EPHA10: variants seen among roughly 807,000 people sequenced by gnomAD.
EPHA10 encodes the protein EPH receptor A10.
A neutral mutation model predicts 109.7 loss-of-function variants in EPHA10; 120 were observed. The ratio of observed to expected loss-of-function variants is 1.09; its 90% CI spans 0.94 to 1.27. The LOEUF is 1.27. EPHA10 is among the 50% of genes most tolerant of loss of function. The probability of loss-of-function intolerance (pLI) is 0.00; values close to 1 mark genes in which losing one functional copy is unlikely to be tolerated. For missense variants in EPHA10, 1,396 were observed against 1,411.1 expected, an observed-to-expected ratio of 0.99 and a Z score of 0.17; for synonymous variants, 640 against 618.9, an observed-to-expected ratio of 1.03 and a Z score of -0.51.
At chr1:37,762,498 A>G (rs1036505554) in intron 2 of EPHA10, among the ~76,000 whole-genome samples, 1 of 151,880 alleles carries the variant, frequency 6.6e-6, no homozygotes, top group East Asian at 1.9e-4. Flanking sequence ...AGGATCTACT[A>G]CTATGTGCAA....
chr1:37,761,465 C>A lies in EPHA10; in HGVS notation c.790G>T (p.Val264Leu). 1 of 1,600,426 alleles carries A rather than the reference C, an allele frequency of 6.2e-7. No homozygotes were observed. Among genetic ancestry groups the A allele is most frequent in the East Asian group, 2.2e-5 (1 of 44,862 alleles). ...MHCGADGEWL[V>L]PVGRCSCSAG... ...CTGCAGCTGCAGCGGCCCACAGGCA[C>A]CAGCCACTCGCCGTCGGCGCCGCAG... The change falls in exon 3 of 17, where the codon GTG becomes TTG. Residue 264 changes from valine to leucine, a missense_variant. By Grantham distance (32) the Val-to-Leu change is conservative. Transcript: ENST00000373048.
chr1:37,718,837 G>A (rs754916392), intron 15 of EPHA10, 21 bp from the exon 16 acceptor site: 1 of 1,592,468 alleles, frequency 6.3e-7, no homozygotes, highest in Non-Finnish European at 8.6e-7. Context: ...GAGGAGCTGT[G>A]CTCAACCGAC....
In EPHA10 at chr1:37,719,992, T is replaced by G; in HGVS notation, c.2479A>C (p.Ser827Arg). 2 of 1,614,006 alleles carry G rather than the reference T, an allele frequency of 1.2e-6. No homozygotes were observed. Among genetic ancestry groups the G allele is most frequent in the Non-Finnish European group, 1.7e-6 (2 of 1,180,024 alleles). Residue 827 changes from serine to arginine, a missense_variant, in exon 14 of 17, where the codon AGT becomes CGT. Transcript: ENST00000373048. Reference sequence around the variant, plus strand: ...ATGATGCCGAAGCTCCACACGTCACTGGCAGAGCTGAAGTGGCCAAACTGA... The same window carrying G: ...ATGATGCCGAAGCTCCACACGTCACGGGCAGAGCTGAAGTGGCCAAACTGA... ...TLQFGHFSSA[S>R]DVWSFGIIMW... is the part of the protein sequence containing the mutation.
intron 5 of EPHA10, among the ~76,000 whole-genome samples, chr1:37,737,712 T>G (rs1453144125): frequency 6.6e-6 from 1 of 152,220 alleles, no homozygotes; most frequent in Non-Finnish European, 1.5e-5. Flanking sequence ...AATGATTTCT[T>G]GGATATGACA....
intron 7 of EPHA10, among the ~76,000 whole-genome samples, chr1:37,730,705 T>C (rs1645967888): frequency 6.6e-6 from 1 of 152,164 alleles, no homozygotes; most frequent in Admixed American, 6.5e-5. Context: ...CCTTCTTTTT[T>C]TTTTGAGACA....
chr1:37,743,331 G>A (rs754296863), intron 5 of EPHA10, among the ~76,000 whole-genome samples: 2 of 152,078 alleles, frequency 1.3e-5, no homozygotes, highest in Non-Finnish European at 2.9e-5. Flanking sequence ...CACCAACTAT[G>A]TACAGAAGGT....
rs2148367112 is a variant in EPHA10 at position 37,754,518 on chromosome 1, G to A, written c.851-148C>T. The A allele has an allele frequency of 4.4e-6, 3 of 675,946 alleles. No homozygotes were observed. The highest frequency in any genetic ancestry group is 6.9e-5 in the East Asian group (2 of 29,172). 41.9% of individuals were successfully genotyped at this position (675,946 alleles called of 1,614,324 possible). A position where few individuals can be genotyped will look rare whatever the true frequency, so the allele number is the denominator to read the frequency against. ...CCACTCCAGTCAGCACTGCCCCGTG[G>A]AGTGACTCCTGAACAACCCATTACC... is the stretch of plus-strand genomic sequence containing the variant. On this transcript the variant is annotated intron_variant, in intron 3 of 16. Transcript: ENST00000373048. The surrounding 1 kb of genome is among the most constrained non-coding windows in gnomAD (Gnocchi z 4.5).
chr1:37,746,047 A>G (rs1241706398), intron 5 of EPHA10, among the ~76,000 whole-genome samples: 1 of 150,958 alleles, frequency 6.6e-6, no homozygotes, highest in Non-Finnish European at 1.5e-5. Context: ...TCCTCTGTGC[A>G]CATATGGACA....
chr1:37,752,565 AAGG>A (rs1164921358), intron 5 of EPHA10, among the ~76,000 whole-genome samples: 2 of 152,132 alleles, frequency 1.3e-5, no homozygotes, highest in African/African-American at 4.8e-5. Context: ...GGCTTTGTGC[AAGG>A]AGTCCAGGAG....
intron 3 of EPHA10, among the ~76,000 whole-genome samples, chr1:37,759,262 A>G (rs932496114): frequency 6.6e-5 from 10 of 152,088 alleles, no homozygotes; most frequent in African/African-American, 2.4e-4. Flanking sequence ...CATGATTTCC[A>G]CCTGCTCCTC....
At chr1:37,759,591 T>C (rs932459625) in intron 3 of EPHA10, among the ~76,000 whole-genome samples, 9 of 152,194 alleles carry the variant, frequency 5.9e-5, no homozygotes, top group Non-Finnish European at 1.3e-4. Context: ...TTATGAATGC[T>C]GGGGCTGCTG....
At chr1:37,730,983 C>T (rs907562554) in intron 7 of EPHA10, among the ~76,000 whole-genome samples, 1 of 152,172 alleles carries the variant, frequency 6.6e-6, no homozygotes, top group Non-Finnish European at 1.5e-5. Context: ...TGAGCCATCG[C>T]GCCTGGCCGC....
At chr1:37,736,664 C>CGCCACT (rs1646077857) in intron 5 of EPHA10, among the ~76,000 whole-genome samples, 1 of 151,166 alleles carries the variant, frequency 6.6e-6, no homozygotes, top group African/African-American at 2.4e-5. Context: ...GCCGAGATCG[C>CGCCACT]GCCACTGCAC....
intron 1 of EPHA10, among the ~76,000 whole-genome samples, chr1:37,763,090 A>G (rs562511841): frequency 6.6e-6 from 1 of 152,338 alleles, no homozygotes; most frequent in African/African-American, 2.4e-5. Context: ...CTGCTGTAAC[A>G]TATTACCACA....
At chr1:37,725,888 C>A (rs7527344) in intron 8 of EPHA10, among the ~76,000 whole-genome samples, 41,404 of 152,074 alleles carry the variant, frequency 0.27, 5,925 homozygotes, top group Middle Eastern at 0.42. Flanking sequence ...GGTACTACAC[C>A]CAGGACGGTG....
chr1:37,749,546 G>A (rs1646291903), intron 5 of EPHA10, among the ~76,000 whole-genome samples: 1 of 151,846 alleles, frequency 6.6e-6, no homozygotes, highest in South Asian at 2.1e-4. Flanking sequence ...GGTGGTGTGT[G>A]CCTGTAATAC....
rs746947979 is a variant in EPHA10, at chr1:37,720,490, A to C, written c.2273T>G (p.Met758Arg). 2 of 1,613,424 alleles carry C rather than the reference A, an allele frequency of 1.2e-6. No individual in the cohort carries two copies. The highest frequency in any genetic ancestry group is 2.2e-5 in the South Asian group (2 of 91,066). Reference protein sequence around the residue: ...MGLLPGLASAMKYLSEMGYVH... With the variant: ...MGLLPGLASARKYLSEMGYVH... ...GTAGCCCATCTCTGACAGATACTTC[A>C]TGGCTGATGCCAGCCCAGGCAGCAA... Residue 758 changes from methionine to arginine, a missense_variant, in exon 13 of 17, where the codon ATG becomes AGG. Met to Arg is a moderately conservative substitution (Grantham distance 91). Transcript: ENST00000373048.
At chr1:37,740,909 C>A (rs1055006333) in intron 5 of EPHA10, among the ~76,000 whole-genome samples, 1 of 152,054 alleles carries the variant, frequency 6.6e-6, no homozygotes, top group Non-Finnish European at 1.5e-5. Flanking sequence ...AGAGGAAAAG[C>A]TTTTAGGGAA....
intron 3 of EPHA10, chr1:37,760,366 G>A: frequency 1.9e-6 from 2 of 1,052,494 alleles, no homozygotes; most frequent in Non-Finnish European, 2.3e-6. Flanking sequence ...GCAAGAGAGA[G>A]AATGAGAGGT....
Sources: allele counts gnomAD v4.1 joint callset (sites outside exome capture counted in the v4.1 genomes callset), GRCh38; gene constraint gnomAD v4.1.1; non-coding constraint Gnocchi (gnomAD v3.1); transcripts MANE v1.5; gene names NCBI Gene and HGNC (gene_info 2026-07-23, HGNC 2026-07-21).